The following BANP variants were observed in gnomAD, a reference collection of about 807,000 sequenced individuals.
BANP encodes protein BANP.
BANP carries 11 observed loss-of-function variants against 68.1 expected under a neutral mutation model. That is an observed-to-expected ratio of 0.16 (90% CI 0.10 to 0.27). The LOEUF (loss-of-function observed/expected upper bound fraction) is 0.27. BANP is among the 10% of genes least tolerant of loss of function. BANP has a pLI of 1.00. For missense variants in BANP, 504 were observed against 722.7 expected (o/e 0.70, Z 3.47); for synonymous variants, 329 against 303.2 (o/e 1.09, Z -0.88).
chr16:88,029,422 A>C (rs370123078), intron 8 of BANP, among the ~76,000 whole-genome samples: 1 of 151,774 alleles, frequency 6.6e-6, no homozygotes, highest in African/African-American at 2.4e-5. Flanking sequence ...ATCCTGGCTA[A>C]CACGGTGAAA....
At chr16:87,990,705 A>G (rs925061623) in intron 4 of BANP, among the ~76,000 whole-genome samples, 7 of 152,124 alleles carry the variant, frequency 4.6e-5, no homozygotes, top group African/African-American at 1.4e-4. Context: ...TTTCGTGTAC[A>G]TGTGATTTCT....
intron 13 of BANP, among the ~76,000 whole-genome samples, chr16:88,072,642 C>T (rs1478671172): frequency 6.6e-6 from 1 of 152,258 alleles, no homozygotes; most frequent in Non-Finnish European, 1.5e-5. Flanking sequence ...AAACAAAGCG[C>T]AGGGCTGCTG....
At chr16:88,043,214 G>A (rs921364639) in intron 11 of BANP, among the ~76,000 whole-genome samples, 4 of 152,218 alleles carry the variant, frequency 2.6e-5, no homozygotes, top group African/African-American at 7.2e-5. Context: ...TGCTGTTGGA[G>A]TTGAAATTAA....
rs1316416478 is a variant in BANP, at chr16:88,072,585, C to T, written c.1521+373C>T. 3.9e-5 allele frequency among the ~76,000 whole-genome samples: 6 copies of T among 152,264 alleles called. No homozygotes were observed. The East Asian group carries it at 9.6e-4, about 24-fold the overall frequency. Reference sequence around the variant, plus strand: ...GCCCCACTCGTTGAAGGTCTCAGCTCGGGGCAGAGCCAGTACCTCGGGCTG... The same window carrying T: ...GCCCCACTCGTTGAAGGTCTCAGCTTGGGGCAGAGCCAGTACCTCGGGCTG... On this transcript the variant is annotated intron_variant, in intron 13 of 13. Coordinates refer to ENST00000682872, the MANE Select transcript of BANP (RefSeq NM_001386991.1).
At chr16:88,038,703 C>G (rs1382763138) in intron 11 of BANP, among the ~76,000 whole-genome samples, 1 of 152,106 alleles carries the variant, frequency 6.6e-6, no homozygotes, top group Non-Finnish European at 1.5e-5. Flanking sequence ...GGTGCGGGTC[C>G]TGGGGAGGGT....
intron 8 of BANP, among the ~76,000 whole-genome samples, chr16:88,029,452 G>A (rs1301091359): frequency 6.6e-6 from 1 of 151,040 alleles, no homozygotes; most frequent in Non-Finnish European, 1.5e-5. Flanking sequence ...TACTAAAAGT[G>A]TCAAAAAAAT....
At chr16:88,075,441 G>A (rs996445642) in intron 13 of BANP, among the ~76,000 whole-genome samples, 21 of 152,294 alleles carry the variant, frequency 1.4e-4, no homozygotes, top group South Asian at 4.1e-4. Flanking sequence ...AGGTCGAGGC[G>A]GCCGTGAGGT....
At chr16:87,950,353 T>G (rs990205225), upstream of BANP, 1 of 152,122 alleles carries the variant, frequency 6.6e-6, no homozygotes, top group Admixed American at 6.5e-5. Flanking sequence ...TTCTGGGAAC[T>G]GCGCTATGGT....
intron 6 of BANP, among the ~76,000 whole-genome samples, chr16:88,008,588 T>G (rs2152570791): frequency 6.6e-6 from 1 of 152,330 alleles, no homozygotes; most frequent in South Asian, 2.1e-4. Context: ...AAAATCTAAA[T>G]GAACTTATGA....
chr16:88,042,639 T>C (rs529736024), intron 11 of BANP, among the ~76,000 whole-genome samples: 12 of 152,224 alleles, frequency 7.9e-5, no homozygotes, highest in African/African-American at 2.9e-4. Context: ...AAAAAAAATG[T>C]TTTGTGCTGG....
intron 11 of BANP, among the ~76,000 whole-genome samples, chr16:88,040,546 C>G (rs1225549152): frequency 6.6e-6 from 1 of 151,538 alleles, no homozygotes; most frequent in Non-Finnish European, 1.5e-5. Context: ...CCCGTGCCTA[C>G]AGAAGCCCCG....
intron 12 of BANP, among the ~76,000 whole-genome samples, chr16:88,066,513 C>T (rs1251018392): frequency 1.3e-5 from 2 of 152,110 alleles, no homozygotes; most frequent in Non-Finnish European, 2.9e-5. Context: ...GACACTGTGG[C>T]CTCTGTTCCC....
chr16:87,984,396 A>G (rs966714338), intron 4 of BANP, 137 bp downstream of exon 4: 1 of 1,058,682 alleles, frequency 9.4e-7, no homozygotes, highest in Non-Finnish European at 1.4e-6. Flanking sequence ...AGCAGTTTCT[A>G]ACTAAAGCTG....
chr16:87,970,841 A>G (rs1480961390), intron 1 of BANP, among the ~76,000 whole-genome samples: 1 of 152,092 alleles, frequency 6.6e-6, no homozygotes, highest in African/African-American at 2.4e-5. Context: ...CACAGAGGGA[A>G]ACCCCGTCTC....
At chr16:88,058,123 G>A (rs186656684) in intron 11 of BANP, among the ~76,000 whole-genome samples, 188 of 149,516 alleles carry the variant, frequency 1.3e-3, no homozygotes, top group African/African-American at 4.5e-3. Context: ...TTCATCTAGA[G>A]ACTGTAGATG....
In BANP at chr16:87,957,006, G is replaced by A. The variant is rs1331180677; in HGVS notation, c.-69+5491G>A. 6.6e-6 allele frequency: 1 copy of A among 152,240 alleles called. No individual in the cohort carries two copies. Among genetic ancestry groups the A allele is most frequent in the East Asian group, 1.9e-4 (1 of 5,196 alleles). The allele number at this position is 152,240 out of a possible 1,614,324, so 9.4% of individuals were successfully genotyped here. ...ATGTGCAGGAAGTGTTAACTCCTAAGCTGCCAGCAGATGGTGTGCCGAGAT... is the reference window on the plus strand; with the variant it reads ...ATGTGCAGGAAGTGTTAACTCCTAAACTGCCAGCAGATGGTGTGCCGAGAT... On this transcript the variant is annotated intron_variant, in intron 1 of 13. Transcript: ENST00000682872. This position sits in a 1 kb window ranked among gnomAD's most constrained non-coding sequence, Gnocchi z 4.3.
At chr16:87,993,262 A>G (rs1479558649) in intron 4 of BANP, among the ~76,000 whole-genome samples, 6 of 152,214 alleles carry the variant, frequency 3.9e-5, no homozygotes, top group Non-Finnish European at 8.8e-5. Context: ...TTCATCCTGC[A>G]CTTGGGAAGG....
chr16:87,982,195 G>A (rs1207658425), intron 3 of BANP, among the ~76,000 whole-genome samples: 1 of 152,206 alleles, frequency 6.6e-6, no homozygotes, highest in African/African-American at 2.4e-5. Flanking sequence ...CACATCTGTT[G>A]CACATAGAAC....
chr16:87,980,920 G>A lies in BANP; in HGVS notation c.71-116G>A, dbSNP rs966644101. On this transcript the variant is annotated intron_variant, in intron 2 of 13. Coordinates refer to ENST00000682872, the MANE Select transcript of BANP (RefSeq NM_001386991.1). ...TTTAAAAAGGTGAAATATGAGATAGGTTCTGCTGTTTCTCCTTCAACCTTA... is the reference window on the plus strand; with the variant it reads ...TTTAAAAAGGTGAAATATGAGATAGATTCTGCTGTTTCTCCTTCAACCTTA... The A allele has an allele frequency of 1.9e-5, 13 of 697,822 alleles. No individual in the cohort carries two copies. In the African/African-American group the frequency reaches 2.1e-4, roughly 11 times the overall value. The allele number at this position is 697,822 out of a possible 1,614,324, so 43.2% of individuals were successfully genotyped here.
Sources: gnomAD v4.1 joint callset for allele counts (sites outside exome capture counted in the v4.1 genomes callset) on GRCh38, gnomAD v4.1.1 for gene constraint, Gnocchi (gnomAD v3.1) non-coding constraint, MANE v1.5 for transcripts, NCBI Gene and HGNC (gene_info 2026-07-23, HGNC 2026-07-21) for gene names.